Variants in STX8 observed in about 807,000 individuals in gnomAD.
The protein encoded by STX8 is syntaxin 8, also known as syntaxin-8.
In STX8, 23 loss-of-function variants were observed where a neutral mutation model predicts 37.5. That is an observed-to-expected ratio of 0.61 (90% CI 0.44 to 0.87). The LOEUF (loss-of-function observed/expected upper bound fraction) is 0.87. Among genes scored for constraint, STX8 ranks in the 40% least tolerant of loss-of-function variants. The probability of loss-of-function intolerance (pLI) is 0.00; values close to 1 mark genes in which losing one functional copy is unlikely to be tolerated. For missense variants in STX8, 313 were observed against 284.7 expected (o/e 1.10, Z -0.71); for synonymous variants, 115 against 99.1 (o/e 1.16, Z -0.95).
intron 2 of STX8, among the ~76,000 whole-genome samples, chr17:9,561,792 A>C (rs1454427600): frequency 1.3e-5 from 2 of 152,096 alleles, no homozygotes; most frequent in African/African-American, 4.8e-5. Flanking sequence ...TGGTGTAGAA[A>C]TGTCATTCTG....
intron 7 of STX8, among the ~76,000 whole-genome samples, chr17:9,256,487 A>G (rs1366702005): frequency 6.6e-6 from 1 of 152,240 alleles, no homozygotes; most frequent in Admixed American, 6.5e-5. Context: ...TGATGAGCCC[A>G]TCCGTCAGCT....
chr17:9,359,620 G>C (rs537596515), intron 7 of STX8, among the ~76,000 whole-genome samples: 1 of 147,010 alleles, frequency 6.8e-6, no homozygotes, highest in African/African-American at 2.5e-5. Flanking sequence ...CCATTCTCCC[G>C]CCTCAGCCTC....
At chr17:9,442,152 C>T (rs1442726009) in intron 6 of STX8, among the ~76,000 whole-genome samples, 1 of 152,202 alleles carries the variant, frequency 6.6e-6, no homozygotes, top group Non-Finnish European at 1.5e-5. Context: ...TTCCTGTGTG[C>T]CCTATGGCAG....
chr17:9,444,001 T>C (rs1385850705), intron 6 of STX8, among the ~76,000 whole-genome samples: 1 of 152,196 alleles, frequency 6.6e-6, no homozygotes, highest in African/African-American at 2.4e-5. Flanking sequence ...ATGATTTCTG[T>C]CATCGTGTTC....
chr17:9,527,943 C>CA (rs1335054941), intron 4 of STX8, among the ~76,000 whole-genome samples: 1 of 152,076 alleles, frequency 6.6e-6, no homozygotes, highest in South Asian at 2.1e-4. Flanking sequence ...GTTGTAATGG[C>CA]AAAAAACTAA....
chr17:9,306,240 A>C (rs551849126), intron 7 of STX8, among the ~76,000 whole-genome samples: 1 of 152,276 alleles, frequency 6.6e-6, no homozygotes, highest in African/African-American at 2.4e-5. Flanking sequence ...GGTTTGTGTC[A>C]GTACACTCTG....
chr17:9,331,489 G>T (rs1466020235), intron 7 of STX8, among the ~76,000 whole-genome samples: 7 of 152,124 alleles, frequency 4.6e-5, no homozygotes, highest in Non-Finnish European at 8.8e-5. Context: ...GCTGCCCAGG[G>T]TGGGTTGCGA....
intron 7 of STX8, among the ~76,000 whole-genome samples, chr17:9,300,331 C>CAAAAAAAAAA (rs3060137): frequency 1.2e-4 from 8 of 69,092 alleles, no homozygotes; most frequent in East Asian, 4.3e-4. Flanking sequence ...AACTCCATCT[C>CAAAAAAAAAA]AAAAAAAAAA....
chr17:9,341,207 G>C (rs1490135712), intron 7 of STX8, among the ~76,000 whole-genome samples: 1 of 151,852 alleles, frequency 6.6e-6, no homozygotes, highest in Non-Finnish European at 1.5e-5. Context: ...ATTGCTACCT[G>C]GCAACAATCA....
At chr17:9,523,434 G>A (rs62066224) in intron 4 of STX8, among the ~76,000 whole-genome samples, 32,597 of 151,284 alleles carry the variant, frequency 0.22, 3,525 homozygotes, top group South Asian at 0.24. Flanking sequence ...AAACAAATGC[G>A]CAAAAGTCAA....
chr17:9,561,438 C>G (rs1271149796), intron 2 of STX8, among the ~76,000 whole-genome samples: 1 of 152,018 alleles, frequency 6.6e-6, no homozygotes, highest in African/African-American at 2.4e-5. Flanking sequence ...GCAGGAGGAT[C>G]TCTTGAGACC....
At chr17:9,284,319 A>G (rs1393208333) in intron 7 of STX8, among the ~76,000 whole-genome samples, 1 of 152,242 alleles carries the variant, frequency 6.6e-6, no homozygotes, top group Non-Finnish European at 1.5e-5. Context: ...TCTTCAAATT[A>G]ATAAACCAAT....
At chr17:9,440,525 ATTTTT>A (rs546756533) in intron 6 of STX8, among the ~76,000 whole-genome samples, 1 of 99,800 alleles carries the variant, frequency 1.0e-5, no homozygotes, top group Non-Finnish European at 2.0e-5. Context: ...TGAATCAATG[ATTTTT>A]TTTTTTTTTT....
intron 6 of STX8, among the ~76,000 whole-genome samples, chr17:9,446,463 T>C (rs1468152047): frequency 6.6e-6 from 1 of 152,182 alleles, no homozygotes; most frequent in African/African-American, 2.4e-5. Context: ...ACTATTAGTG[T>C]GAAGTGAAAG....
chr17:9,560,608 G>A (rs1446676074), intron 2 of STX8, among the ~76,000 whole-genome samples: 1 of 152,066 alleles, frequency 6.6e-6, no homozygotes, highest in Non-Finnish European at 1.5e-5. Flanking sequence ...TACTGCTGAA[G>A]AAACAAAAGG....
chr17:9,375,721 C>T (rs923409924), intron 7 of STX8, among the ~76,000 whole-genome samples: 2 of 152,112 alleles, frequency 1.3e-5, no homozygotes, highest in African/African-American at 2.4e-5. Flanking sequence ...TTGCACCAAC[C>T]ATATACATAT....
At chr17:9,511,495 C>A (rs1905016993) in intron 4 of STX8, among the ~76,000 whole-genome samples, 1 of 151,944 alleles carries the variant, frequency 6.6e-6, no homozygotes, top group Non-Finnish European at 1.5e-5. Context: ...CTATAAAGGA[C>A]AAAACCCACA....
At chr17:9,313,285 T>A (rs1040953679) in intron 7 of STX8, among the ~76,000 whole-genome samples, 8 of 152,112 alleles carry the variant, frequency 5.3e-5, no homozygotes, top group African/African-American at 1.9e-4. Context: ...TCAAAACGTA[T>A]CAGTGAGGGG....
intron 7 of STX8, among the ~76,000 whole-genome samples, chr17:9,267,342 T>C (rs62070016): frequency 0.033 from 4,979 of 152,328 alleles, 82 homozygotes; most frequent in South Asian, 0.064. Context: ...CAACTGAGAT[T>C]AGCTACTAGT....
Sources: gnomAD v4.1 joint callset for allele counts (sites outside exome capture counted in the v4.1 genomes callset) on GRCh38, gnomAD v4.1.1 for gene constraint, MANE v1.5 for transcripts, NCBI Gene and HGNC (gene_info 2026-07-23, HGNC 2026-07-21) for gene names.